The following SOX5 variants were observed in gnomAD, a reference collection of about 807,000 sequenced individuals.
SOX5 encodes transcription factor SOX-5.
SOX5 carries 9 observed loss-of-function variants against 92.0 expected under a neutral mutation model. The ratio of observed to expected loss-of-function variants is 0.10; its 90% confidence interval spans 0.06 to 0.17. The LOEUF is 0.17. SOX5 is among the 10% of genes least tolerant of loss of function. The pLI is 1.00. For synonymous variants in SOX5, 344 were observed against 336.3 expected, an observed-to-expected ratio of 1.02 and a Z score of -0.25; for missense variants, 642 against 944.5, an observed-to-expected ratio of 0.68 and a Z score of 4.20.
intron 5 of SOX5, among the ~76,000 whole-genome samples, chr12:23,738,880 C>T (rs1170687493): frequency 6.6e-6 from 1 of 152,076 alleles, no homozygotes; most frequent in Non-Finnish European, 1.5e-5. Flanking sequence ...ACTCTTTTAT[C>T]ATGGGGATAA....
intron 6 of SOX5, among the ~76,000 whole-genome samples, chr12:23,670,933 A>C (rs536140853): frequency 6.0e-4 from 92 of 152,302 alleles, no homozygotes; most frequent in South Asian, 1.9e-3. Flanking sequence ...ACTGTGACTG[A>C]GCATCAGAGA....
At chr12:24,056,665 AG>A (rs1399651031) in intron 4 of SOX5, among the ~76,000 whole-genome samples, 2 of 152,006 alleles carry the variant, frequency 1.3e-5, no homozygotes, top group Admixed American at 6.6e-5. Context: ...ACTTTACAGA[AG>A]GGGGTCAGAT....
chr12:23,729,153 A>C (rs2093290261), intron 6 of SOX5, among the ~76,000 whole-genome samples: 1 of 152,094 alleles, frequency 6.6e-6, no homozygotes, highest in Non-Finnish European at 1.5e-5. Context: ...TGTTTAGCCC[A>C]TGTACTTGCT....
intron 4 of SOX5, among the ~76,000 whole-genome samples, chr12:24,183,782 C>A (rs1055501450): frequency 6.6e-6 from 1 of 152,036 alleles, no homozygotes. Flanking sequence ...AGCCAAACTG[C>A]GAGGGTTTAG....
intron 3 of SOX5, among the ~76,000 whole-genome samples, chr12:23,772,213 G>A (rs948117306): frequency 1.3e-5 from 2 of 152,196 alleles, no homozygotes; most frequent in African/African-American, 2.4e-5. Flanking sequence ...CTGTGAAGAC[G>A]TTGGCAATTT....
At chr12:23,686,771 G>C (rs2087670689) in intron 6 of SOX5, among the ~76,000 whole-genome samples, 4 of 151,952 alleles carry the variant, frequency 2.6e-5, no homozygotes, top group Admixed American at 2.6e-4. Flanking sequence ...TATGCCTCTT[G>C]AAAGTTATTA....
At chr12:23,999,670 T>TA (rs1951407570) in intron 4 of SOX5, among the ~76,000 whole-genome samples, 1 of 152,026 alleles carries the variant, frequency 6.6e-6, no homozygotes, top group African/African-American at 2.4e-5. Flanking sequence ...TAAAAAATTG[T>TA]CTTTAAAAAA....
At chr12:24,241,465 A>T (rs1330161644) in intron 3 of SOX5, among the ~76,000 whole-genome samples, 2 of 152,228 alleles carry the variant, frequency 1.3e-5, no homozygotes, top group African/African-American at 2.4e-5. Context: ...GGAGTATGTC[A>T]AGAGGGTTCC....
At chr12:24,434,342 A>G (rs1475167686) in intron 1 of SOX5, among the ~76,000 whole-genome samples, 1 of 152,194 alleles carries the variant, frequency 6.6e-6, no homozygotes, top group Non-Finnish European at 1.5e-5. Context: ...CTTTGTAAAT[A>G]TCATGGTTTG....
chr12:23,970,612 C>T (rs1948111715), intron 4 of SOX5, among the ~76,000 whole-genome samples: 1 of 151,126 alleles, frequency 6.6e-6, no homozygotes, highest in African/African-American at 2.4e-5. Context: ...TATGTAGTAA[C>T]ATGTATAATT....
At chr12:24,505,806 C>T (rs1222322568) in intron 1 of SOX5, among the ~76,000 whole-genome samples, 2 of 147,482 alleles carry the variant, frequency 1.4e-5, no homozygotes, top group African/African-American at 2.6e-5. Context: ...ACCACTCCCA[C>T]GCCTGGAAGG....
intron 3 of SOX5, among the ~76,000 whole-genome samples, chr12:24,232,890 A>G (rs1209789382): frequency 2.0e-5 from 3 of 152,242 alleles, no homozygotes. Flanking sequence ...TGTCAATGCT[A>G]TGCCCACCCT....
intron 6 of SOX5, among the ~76,000 whole-genome samples, chr12:23,670,566 G>A (rs972855431): frequency 6.6e-6 from 1 of 152,126 alleles, no homozygotes; most frequent in Non-Finnish European, 1.5e-5. Context: ...AGTTTAGAAT[G>A]AGAGTGGCAT....
At chr12:23,928,562 A>T (rs2139110759) in intron 1 of SOX5, among the ~76,000 whole-genome samples, 1 of 151,952 alleles carries the variant, frequency 6.6e-6, no homozygotes, top group Admixed American at 6.6e-5. Flanking sequence ...TTATAAATTT[A>T]TTTATTTTTA....
chr12:24,428,744 A>AAAAAAAAAC (rs1967040122), intron 1 of SOX5, among the ~76,000 whole-genome samples: 1 of 148,490 alleles, frequency 6.7e-6, no homozygotes, highest in Non-Finnish European at 1.5e-5. Context: ...AAAAAAAAAA[A>AAAAAAAAAC]AAAAAAAAAA....
intron 2 of SOX5, among the ~76,000 whole-genome samples, chr12:23,879,288 CT>C (rs892190155): frequency 3.3e-5 from 5 of 151,650 alleles, no homozygotes; most frequent in Admixed American, 3.3e-4. Flanking sequence ...CTTAGTGACT[CT>C]CTATTTTAAT....
chr12:24,387,852 C>T (rs1163648429), intron 1 of SOX5, among the ~76,000 whole-genome samples: 2 of 152,064 alleles, frequency 1.3e-5, no homozygotes, highest in African/African-American at 2.4e-5. Context: ...CAGTTAAGTC[C>T]AATTTATTTA....
At chr12:24,506,947 C>T (rs1468673258) in intron 1 of SOX5, among the ~76,000 whole-genome samples, 2 of 151,726 alleles carry the variant, frequency 1.3e-5, no homozygotes, top group African/African-American at 4.8e-5. Context: ...CCCGCCACTG[C>T]ACCCGGCTAA....
chr12:24,042,435 C>G (rs1320834252), intron 4 of SOX5, among the ~76,000 whole-genome samples: 1 of 152,072 alleles, frequency 6.6e-6, no homozygotes, highest in African/African-American at 2.4e-5. Context: ...AATAATGTAT[C>G]AAGCGTGTTA....
Sources: allele counts gnomAD v4.1 joint callset (sites outside exome capture counted in the v4.1 genomes callset), GRCh38; gene constraint gnomAD v4.1.1; transcripts MANE v1.5; gene names NCBI Gene and HGNC (gene_info 2026-07-23, HGNC 2026-07-21).